GLG1: variants seen among roughly 807,000 people sequenced by gnomAD.
GLG1 encodes the protein golgi glycoprotein 1.
GLG1 carries 38 observed loss-of-function variants against 160.5 expected under a neutral mutation model. That is an observed-to-expected ratio of 0.24 (90% confidence interval 0.18 to 0.31). GLG1 has a LOEUF of 0.31. Ranked by LOEUF, GLG1 falls within the 10% of genes least tolerant of loss-of-function variation. The probability of loss-of-function intolerance (pLI) is 1.00; values close to 1 mark genes in which losing one functional copy is unlikely to be tolerated. For synonymous variants in GLG1, 644 were observed against 543.4 expected (o/e 1.19, Z -2.57); for missense variants, 1,373 against 1,505.2 (o/e 0.91, Z 1.45).
intron 16 of GLG1, 116 bp from the exon 17 acceptor site, chr16:74,469,179 C>A (rs1330118544): frequency 2.8e-6 from 2 of 716,972 alleles, no homozygotes; most frequent in Non-Finnish European, 2.5e-6. Flanking sequence ...GGGGGAATGT[C>A]TTTCCTGTAA....
chr16:74,593,918 C>A (rs936743305), intron 1 of GLG1, among the ~76,000 whole-genome samples: 2 of 151,334 alleles, frequency 1.3e-5, no homozygotes, highest in Non-Finnish European at 3.0e-5. Context: ...TTCTTGTTGT[C>A]ATTTTTTTGA....
chr16:74,524,208 C>T (rs567810170), intron 2 of GLG1, among the ~76,000 whole-genome samples: 1 of 150,846 alleles, frequency 6.6e-6, no homozygotes, highest in Non-Finnish European at 1.5e-5. Context: ...CACTTCATCT[C>T]AAAACAAAAA....
intron 22 of GLG1, 27 bp downstream of exon 22, chr16:74,462,067 G>T: frequency 1.7e-6 from 2 of 1,204,822 alleles, no homozygotes; most frequent in Admixed American, 1.7e-5. Flanking sequence ...AGCTCTGTGC[G>T]TAACCAGTTT....
intron 1 of GLG1, among the ~76,000 whole-genome samples, chr16:74,601,624 G>C (rs886689940): frequency 6.6e-6 from 1 of 152,080 alleles, no homozygotes; most frequent in African/African-American, 2.4e-5. Flanking sequence ...TCCTGCTTAA[G>C]GTGAGTTGGG....
chr16:74,453,998 A>C (rs895914134), intron 25 of GLG1, among the ~76,000 whole-genome samples: 5 of 151,250 alleles, frequency 3.3e-5, no homozygotes, highest in Non-Finnish European at 7.4e-5. Flanking sequence ...CACCCACATG[A>C]GTAGCTGGGA....
In GLG1 at chr16:74,575,013, G is replaced by A. The variant is rs1002673165; in HGVS notation, c.438+31644C>T. Among the ~76,000 whole-genome samples, 223 of 54,530 alleles carry A rather than the reference G, an allele frequency of 4.1e-3. 79 individuals are homozygous for A. Among genetic ancestry groups the A allele is most frequent in the African/African-American group, 0.015 (210 of 13,986 alleles). 35.8% of individuals were successfully genotyped at this position (54,530 alleles called of 152,430 possible). On this transcript the variant is annotated intron_variant, in intron 1 of 25. Coordinates refer to ENST00000422840, the MANE Select transcript of GLG1 (RefSeq NM_001145667.2). The stretch of plus-strand genomic sequence containing the variant: ...CCTAGCACTTTGGGAGGCCGGGGGG[G>A]GGGGGGGGGCGGATCACGAGGTCAA...
At chr16:74,537,486 G>A (rs996316382) in intron 1 of GLG1, among the ~76,000 whole-genome samples, 24 of 148,600 alleles carry the variant, frequency 1.6e-4, no homozygotes, top group African/African-American at 6.0e-4. Context: ...CCTAACAACA[G>A]GCTTTGAACT....
At chr16:74,513,119 T>A (rs1301071231) in intron 2 of GLG1, among the ~76,000 whole-genome samples, 1 of 152,126 alleles carries the variant, frequency 6.6e-6, no homozygotes, top group Admixed American at 6.5e-5. Context: ...TTGAATTTTA[T>A]CTTAAAGGAA....
chr16:74,505,631 G>T (rs973966933), intron 3 of GLG1, among the ~76,000 whole-genome samples: 6 of 152,110 alleles, frequency 3.9e-5, no homozygotes, highest in African/African-American at 1.4e-4. Context: ...GAGGCAGGTG[G>T]ACTGCCGGAG....
At chr16:74,504,187 T>G (rs531583790) in intron 3 of GLG1, among the ~76,000 whole-genome samples, 1 of 152,272 alleles carries the variant, frequency 6.6e-6, no homozygotes, top group South Asian at 2.1e-4. Flanking sequence ...TCCAGCTGCA[T>G]ACCCTAAGCC....
At chr16:74,561,645 G>C (rs543645517) in intron 1 of GLG1, among the ~76,000 whole-genome samples, 4 of 152,312 alleles carry the variant, frequency 2.6e-5, no homozygotes, top group South Asian at 2.1e-4. Context: ...CAACTTGAAT[G>C]AACTCTATGT....
At chr16:74,602,787 A>G (rs1958471644) in intron 1 of GLG1, among the ~76,000 whole-genome samples, 1 of 150,846 alleles carries the variant, frequency 6.6e-6, no homozygotes, top group African/African-American at 2.4e-5. Flanking sequence ...TGTCTCTCAA[A>G]AAAAAAAAAG....
At chr16:74,526,683 A>G (rs566536314) in intron 2 of GLG1, among the ~76,000 whole-genome samples, 38 of 152,292 alleles carry the variant, frequency 2.5e-4, no homozygotes, top group Non-Finnish European at 5.1e-4. Flanking sequence ...GTGATCACAC[A>G]ACTACACTCC....
intron 1 of GLG1, among the ~76,000 whole-genome samples, chr16:74,535,845 T>A (rs1329658649): frequency 6.6e-6 from 1 of 152,160 alleles, no homozygotes; most frequent in Non-Finnish European, 1.5e-5. Context: ...CAAATCGCTA[T>A]GAAGAATTGT....
chr16:74,525,841 A>C (rs985583671), intron 2 of GLG1, among the ~76,000 whole-genome samples: 1 of 151,396 alleles, frequency 6.6e-6, no homozygotes, highest in African/African-American at 2.4e-5. Context: ...TGATGCACAA[A>C]AGTTTTTAAT....
At position 74,462,644 on chromosome 16, in the gene GLG1, C is replaced by T. The variant is rs768467737; in HGVS notation, c.2792-14G>A. The T allele has an allele frequency of 3.7e-6, 6 of 1,613,436 alleles. No individual in the cohort carries two copies. The African/African-American group carries it at 6.7e-5, about 18-fold the overall frequency. On this transcript the variant is annotated splice_polypyrimidine_tract_variant and intron_variant, in intron 20 of 25. Transcript: ENST00000422840. ...TTAAGCGGTAATCTAGAGTAGAAAG[C>T]AGTGAGCATGTGACAAAACATTCCA...
rs201424825 is a variant in GLG1 at position 74,491,005 on chromosome 16, T to C, written c.1445A>G (p.Gln482Arg). The C allele has an allele frequency of 6.2e-7, 1 of 1,611,242 alleles. No homozygotes were observed. The highest frequency in any genetic ancestry group is 8.5e-7 in the Non-Finnish European group (1 of 1,177,484). Residue 482 changes from glutamine to arginine, a missense_variant, in exon 8 of 26, where the codon CAG (glutamine) becomes CGG (arginine). This residue lies in a region of GLG1 where 386 missense variants were observed against 388.5 expected (regional missense o/e 0.99). Transcript: ENST00000422840. ...EKGNLGMNCQ[Q>R]ALQTLIQETD... ...GCAATAGCAATGTCTCCTTACCGCC[T>C]GCTGGCAGTTCATTCCAAGGTTCCC...
intron 15 of GLG1, among the ~76,000 whole-genome samples, chr16:74,470,873 T>C (rs2015183642): frequency 2.6e-5 from 4 of 152,194 alleles, no homozygotes; most frequent in Admixed American, 2.6e-4. Flanking sequence ...TTCTCCTGCC[T>C]CAGCCTTTGA....
chr16:74,595,354 G>A (rs1163094812), intron 1 of GLG1, among the ~76,000 whole-genome samples: 5 of 150,964 alleles, frequency 3.3e-5, no homozygotes, highest in Middle Eastern at 3.5e-3. Flanking sequence ...TGGCTAACAC[G>A]TTGAAACCTG....
Sources: allele counts gnomAD v4.1 joint callset (sites outside exome capture counted in the v4.1 genomes callset), GRCh38; gene constraint gnomAD v4.1.1; regional missense constraint gnomAD v4.1.1; transcripts MANE v1.5; gene names NCBI Gene and HGNC (gene_info 2026-07-23, HGNC 2026-07-21).